ST18: variants seen among roughly 807,000 people sequenced by gnomAD.
ST18 encodes ST18 C2H2C-type zinc finger transcription factor, also known as suppression of tumorigenicity 18 protein.
A neutral mutation model predicts 110.0 loss-of-function variants in ST18; 50 were observed. That is an observed-to-expected ratio of 0.45 (90% CI 0.36 to 0.58). ST18 has a LOEUF of 0.58. Ranked by LOEUF, ST18 falls within the 20% of genes least tolerant of loss-of-function variation. The probability of loss-of-function intolerance (pLI) is 0.00; values close to 1 mark genes in which losing one functional copy is unlikely to be tolerated. For missense variants in ST18, 1,306 were observed against 1,280.1 expected, an observed-to-expected ratio of 1.02 and a Z score of -0.31; for synonymous variants, 461 against 452.4, an observed-to-expected ratio of 1.02 and a Z score of -0.24.
chr8:52,268,609 T>A lies in ST18; in HGVS notation c.-464-38532A>T, dbSNP rs1358067418. 3.3e-5 allele frequency among the ~76,000 whole-genome samples: 5 copies of A among 152,158 alleles called. No individual in the cohort carries two copies. In the East Asian group the frequency reaches 9.6e-4, roughly 29 times the overall value. On this transcript the variant is annotated intron_variant, in intron 2 of 25. Coordinates refer to ENST00000689386, the MANE Select transcript of ST18 (RefSeq NM_001352837.2). ...AATATATTGTTTGCTTAGAAAGAAC[T>A]TACAGCAGCTTATAGGAACTCTTGA...
intron 2 of ST18, among the ~76,000 whole-genome samples, chr8:52,293,886 A>T (rs2095593433): frequency 6.6e-6 from 1 of 152,232 alleles, no homozygotes; most frequent in Admixed American, 6.5e-5. Flanking sequence ...TTGTCCTAGA[A>T]TTGAATCTGA....
chr8:52,123,917 G>A (rs1476384395), intron 23 of ST18, among the ~76,000 whole-genome samples: 1 of 152,168 alleles, frequency 6.6e-6, no homozygotes, highest in Non-Finnish European at 1.5e-5. Flanking sequence ...GATGGTAGTG[G>A]TGTTTTCATA....
Position 52,314,592 on chromosome 8 carries a change from C to T in ST18, c.-464-84515G>A, listed in dbSNP as rs139442193. On this transcript the variant is annotated intron_variant, in intron 2 of 25. Transcript: ENST00000689386. ...GTGTAAATCATGACTTATAGCCCAG[C>T]TTTCTCCTCTCCGTTTTGCTGATGG... Among the ~76,000 whole-genome samples, 25 of 152,332 alleles carry T rather than the reference C, an allele frequency of 1.6e-4. No homozygotes were observed. The East Asian group carries it at 4.4e-3, about 27-fold the overall frequency.
chr8:52,276,286 T>C (rs1168041567), intron 2 of ST18, among the ~76,000 whole-genome samples: 1 of 102,734 alleles, frequency 9.7e-6, no homozygotes, highest in East Asian at 3.0e-4. Flanking sequence ...CATACACACA[T>C]ACCACACAAC....
intron 2 of ST18, among the ~76,000 whole-genome samples, chr8:52,394,103 C>T (rs1210920542): frequency 6.6e-6 from 1 of 152,042 alleles, no homozygotes; most frequent in African/African-American, 2.4e-5. Flanking sequence ...GTGTTCTCTA[C>T]CAGAATGTCA....
chr8:52,219,808 C>G (rs555628884), intron 5 of ST18, among the ~76,000 whole-genome samples: 1 of 152,190 alleles, frequency 6.6e-6, no homozygotes, highest in South Asian at 2.1e-4. Context: ...AGACCTGAAA[C>G]AAGCTTGGGT....
In ST18 at chr8:52,360,348, G is replaced by A. The variant is rs561558986; in HGVS notation, c.-465+48980C>T. Reference sequence around the variant, plus strand: ...TTAAAATATCTTATTTTAAATAAATGCTTTATTTAGGTCACATAATTAAAT... The same window carrying A: ...TTAAAATATCTTATTTTAAATAAATACTTTATTTAGGTCACATAATTAAAT... On this transcript the variant is annotated intron_variant, in intron 2 of 25. Coordinates refer to ENST00000689386, the MANE Select transcript of ST18 (RefSeq NM_001352837.2). Among the ~76,000 whole-genome samples the A allele has an allele frequency of 3.3e-5, 5 of 151,876 alleles. No individual in the cohort carries two copies. The South Asian group carries it at 1.0e-3, about 31-fold the overall frequency.
At chr8:52,232,957 C>A (rs542122973) in intron 2 of ST18, among the ~76,000 whole-genome samples, 1 of 152,004 alleles carries the variant, frequency 6.6e-6, no homozygotes, top group Non-Finnish European at 1.5e-5. Context: ...AGAATGTAAG[C>A]ACATGAGAAA....
intron 2 of ST18, among the ~76,000 whole-genome samples, chr8:52,256,733 C>G (rs1395564609): frequency 6.6e-6 from 1 of 152,068 alleles, no homozygotes; most frequent in South Asian, 2.1e-4. Flanking sequence ...TAATGAATAT[C>G]ATTATCATAG....
chr8:52,349,534 T>C (rs1309190955), intron 2 of ST18, among the ~76,000 whole-genome samples: 2 of 152,190 alleles, frequency 1.3e-5, no homozygotes, highest in African/African-American at 4.8e-5. Context: ...TAATGCTTTT[T>C]AAATTGAAAC....
At chr8:52,365,134 G>A (rs75709611) in intron 2 of ST18, among the ~76,000 whole-genome samples, 1,842 of 151,556 alleles carry the variant, frequency 0.012, 24 homozygotes, top group Non-Finnish European at 0.019. Context: ...TAAAGAGAAA[G>A]TTCCTTCAGA....
intron 17 of ST18, among the ~76,000 whole-genome samples, chr8:52,141,660 G>A (rs540076961): frequency 6.6e-6 from 1 of 152,298 alleles, no homozygotes; most frequent in African/African-American, 2.4e-5. Flanking sequence ...GAGAAGAGCT[G>A]CGCTGAGGGA....
At chr8:52,137,525 C>T (rs116245064) in intron 17 of ST18, 42 bp from the exon 18 acceptor site, 37 of 1,604,108 alleles carry the variant, frequency 2.3e-5, no homozygotes, top group East Asian at 1.6e-4. Flanking sequence ...AAGCGCATTT[C>T]CCAGGTTCAT....
At chr8:52,280,296 T>A (rs953821938) in intron 2 of ST18, among the ~76,000 whole-genome samples, 1 of 151,968 alleles carries the variant, frequency 6.6e-6, no homozygotes, top group Non-Finnish European at 1.5e-5. Context: ...AAAATCACAA[T>A]AAATGCAAGG....
intron 2 of ST18, among the ~76,000 whole-genome samples, chr8:52,365,074 A>G (rs1827301038): frequency 6.6e-6 from 1 of 151,616 alleles, no homozygotes; most frequent in Non-Finnish European, 1.5e-5. Flanking sequence ...AGATTGCGCC[A>G]CTGCACTCCA....
Position 52,133,298 on chromosome 8 carries a change from A to G in ST18, c.2304T>C (p.Cys768=). 1 of 1,614,128 alleles carries G rather than the reference A, an allele frequency of 6.2e-7. No homozygotes were observed. Among genetic ancestry groups the G allele is most frequent in the South Asian group, 1.1e-5 (1 of 91,074 alleles). The change falls in exon 20 of 26, where the codon TGT becomes TGC. Residue 768 remains cysteine, a synonymous_variant. Transcript: ENST00000689386. Reference sequence around the variant, plus strand: ...CCGAGCCATCGCAGCCTGGGGTTGGACACCTGGAAGGCACAGGAAGAGAGC... The same window carrying G: ...CCGAGCCATCGCAGCCTGGGGTTGGGCACCTGGAAGGCACAGGAAGAGAGC... The part of the protein sequence containing the change: ...LMAANSQELK[C]PTPGCDGSGH...
At chr8:52,127,603 G>C (rs556520039) in intron 22 of ST18, among the ~76,000 whole-genome samples, 8 of 152,112 alleles carry the variant, frequency 5.3e-5, no homozygotes, top group African/African-American at 1.9e-4. Context: ...ACCCTTAAAG[G>C]ATCTACTCTG....
chr8:52,239,299 A>G (rs1309467100), intron 2 of ST18, among the ~76,000 whole-genome samples: 1 of 152,160 alleles, frequency 6.6e-6, no homozygotes, highest in Non-Finnish European at 1.5e-5. Flanking sequence ...AAAACTCTGA[A>G]TATACTAAAA....
Position 52,110,889 on chromosome 8 carries a change from C to T in ST18, c.*2309G>A. 1 of 390,670 alleles carries T rather than the reference C, an allele frequency of 2.6e-6. No individual in the cohort carries two copies. Among genetic ancestry groups the T allele is most frequent in the East Asian group, 3.6e-5 (1 of 27,694 alleles). 24.2% of individuals were successfully genotyped at this position (390,670 alleles called of 1,614,324 possible). A position where few individuals can be genotyped will look rare whatever the true frequency, so the allele number is the denominator to read the frequency against. Reference sequence around the variant, plus strand: ...TACACCAAATGTACAGCACTGAACACAATTTTGTTGCTTTGATGTAAGAAA... The same window carrying T: ...TACACCAAATGTACAGCACTGAACATAATTTTGTTGCTTTGATGTAAGAAA... On this transcript the variant is annotated 3_prime_UTR_variant, in exon 26 of 26. Coordinates refer to ENST00000689386, the MANE Select transcript of ST18 (RefSeq NM_001352837.2).
Sources: allele counts gnomAD v4.1 joint callset (sites outside exome capture counted in the v4.1 genomes callset), GRCh38; gene constraint gnomAD v4.1.1; transcripts MANE v1.5; gene names NCBI Gene and HGNC (gene_info 2026-07-23, HGNC 2026-07-21).